Variants in ARHGEF12 observed in about 807,000 individuals in gnomAD.
The protein encoded by ARHGEF12 is KMT2A/ARHGEF12 fusion protein.
Under a neutral mutation model 211.2 loss-of-function variants are expected in ARHGEF12, and 66 were observed. The ratio of observed to expected loss-of-function variants is 0.31; its 90% CI spans 0.26 to 0.38. The LOEUF is 0.38. ARHGEF12 is among the 10% of genes least tolerant of loss of function. ARHGEF12 has a pLI of 1.00. For synonymous variants in ARHGEF12, 592 were observed against 638.4 expected, an observed-to-expected ratio of 0.93 and a Z score of 1.09; for missense variants, 1,429 against 1,869.5, an observed-to-expected ratio of 0.76 and a Z score of 4.34.
At position 120,460,656 on chromosome 11, in the gene ARHGEF12, A is replaced by G. The variant is rs368558892; in HGVS notation, c.2528-16A>G. On this transcript the variant is annotated splice_polypyrimidine_tract_variant and intron_variant, in intron 26 of 40. Transcript: ENST00000397843. Reference sequence around the variant, plus strand: ...CTGAATGTGTTACTAACGTTTTTCTATCTTTTTATCTTTAGTTGGATTGAA... The same window carrying G: ...CTGAATGTGTTACTAACGTTTTTCTGTCTTTTTATCTTTAGTTGGATTGAA... 2.6e-4 allele frequency: 420 copies of G among 1,607,176 alleles called. No individual in the cohort carries two copies. In the African/African-American group the frequency reaches 3.3e-3, roughly 12 times the overall value.
chr11:120,485,750 A>T lies in ARHGEF12; in HGVS notation c.*673A>T, dbSNP rs1457331171. Reference sequence around the variant, plus strand: ...CCCAGGTGGTGTGGTCAGAGAGTGGATGGGCTTCCTCCCGCCCTGAGGCAA... The same window carrying T: ...CCCAGGTGGTGTGGTCAGAGAGTGGTTGGGCTTCCTCCCGCCCTGAGGCAA... On this transcript the variant is annotated 3_prime_UTR_variant, in exon 41 of 41. Coordinates refer to ENST00000397843, the MANE Select transcript of ARHGEF12 (RefSeq NM_015313.3). 4.3e-6 allele frequency: 1 copy of T among 233,578 alleles called. No homozygotes were observed. The allele number at this position is 233,578 out of a possible 1,614,324, so 14.5% of individuals were successfully genotyped here. A position where few individuals can be genotyped will look rare whatever the true frequency, so the allele number is the denominator to read the frequency against.
At chr11:120,479,581 C>T (rs1317774786) in intron 37 of ARHGEF12, among the ~76,000 whole-genome samples, 2 of 152,120 alleles carry the variant, frequency 1.3e-5, no homozygotes, top group Non-Finnish European at 2.9e-5. Context: ...TCTAGCTTAA[C>T]ACAGCCTTTC....
intron 1 of ARHGEF12, among the ~76,000 whole-genome samples, chr11:120,398,650 A>C (rs1944461136): frequency 6.6e-6 from 1 of 152,196 alleles, no homozygotes; most frequent in Non-Finnish European, 1.5e-5. Flanking sequence ...CACCAGAACC[A>C]GAGCACTTGT....
Position 120,465,855 on chromosome 11 carries a change from A to T in ARHGEF12, c.2739+493A>T, listed in dbSNP as rs569961812. On this transcript the variant is annotated intron_variant, in intron 28 of 40. Coordinates refer to ENST00000397843, the MANE Select transcript of ARHGEF12 (RefSeq NM_015313.3). ...AATGGTGAAGAATAATAAAAAATAT[A>T]TGTCAGGATTAAAATACTTAATATA... is the stretch of plus-strand genomic sequence containing the variant. Among the ~76,000 whole-genome samples the T allele has an allele frequency of 3.3e-5, 5 of 152,374 alleles. No homozygotes were observed. The East Asian group carries it at 9.6e-4, about 29-fold the overall frequency.
rs760118826 is a variant in ARHGEF12, at chr11:120,449,213, A to G, written c.1842A>G (p.Ala614=). ...PRRPSRHDNS[A]IGRAMELQKA... is the part of the protein sequence containing the mutation. ...GACCAAGCCGTCATGACAACAGTGCAAGTATGTTGAAGTTTGAAGTGCTGC... is the reference window on the plus strand; with the variant it reads ...GACCAAGCCGTCATGACAACAGTGCGAGTATGTTGAAGTTTGAAGTGCTGC... The change falls in exon 21 of 41, where the codon GCA becomes GCG. Residue 614 remains alanine, a splice_region_variant and synonymous_variant. Transcript: ENST00000397843. 3 of 1,613,024 alleles carry G rather than the reference A, an allele frequency of 1.9e-6. No individual in the cohort carries two copies. In the African/African-American group the frequency reaches 4.0e-5, roughly 22 times the overall value.
At position 120,336,470 on chromosome 11, in the gene ARHGEF12, AG is replaced by A. The variant is rs1476099692; in HGVS notation, c.-771del. Among the ~76,000 whole-genome samples, 1 of 151,672 alleles carries A rather than the reference AG, an allele frequency of 6.6e-6. No individual in the cohort carries two copies. The highest frequency in any genetic ancestry group is 1.5e-5 in the Non-Finnish European group (1 of 67,880). On this transcript the variant is annotated 5_prime_UTR_variant, in exon 1 of 41. Coordinates refer to ENST00000397843, the MANE Select transcript of ARHGEF12 (RefSeq NM_015313.3). ...CGCCGCCGCCTCCGCCTCCCGGACC[AG>A]GGCTTCCAGGCCGGGCCGGACGGGC...
At chr11:120,421,069 T>G (rs1318128379) in intron 5 of ARHGEF12, among the ~76,000 whole-genome samples, 1 of 152,236 alleles carries the variant, frequency 6.6e-6, no homozygotes, top group Non-Finnish European at 1.5e-5. Flanking sequence ...TTATTTAGTT[T>G]TAGAAATCAT....
At chr11:120,484,716 A>G (rs1040896693) in intron 40 of ARHGEF12, among the ~76,000 whole-genome samples, 1 of 152,232 alleles carries the variant, frequency 6.6e-6, no homozygotes, top group Non-Finnish European at 1.5e-5. Flanking sequence ...GTCAGTTCCC[A>G]TACCATCCCC....
chr11:120,456,413 C>G (rs574591182), intron 22 of ARHGEF12, among the ~76,000 whole-genome samples: 1 of 151,958 alleles, frequency 6.6e-6, no homozygotes, highest in East Asian at 1.9e-4. Context: ...AATGATAAAA[C>G]TATTAAACAT....
intron 7 of ARHGEF12, among the ~76,000 whole-genome samples, chr11:120,425,780 G>A (rs1380486976): frequency 6.7e-6 from 1 of 148,398 alleles, no homozygotes. Flanking sequence ...AAAAAAAAGA[G>A]AGAGACTGCT....
At chr11:120,342,105 G>T (rs988398789) in intron 1 of ARHGEF12, among the ~76,000 whole-genome samples, 1 of 151,922 alleles carries the variant, frequency 6.6e-6, no homozygotes, top group African/African-American at 2.4e-5. Context: ...AGATTTTCTG[G>T]CTCTCAAGTC....
intron 1 of ARHGEF12, among the ~76,000 whole-genome samples, chr11:120,369,742 A>C (rs1943536281): frequency 6.6e-6 from 1 of 152,244 alleles, no homozygotes; most frequent in African/African-American, 2.4e-5. Flanking sequence ...TAGCTGCAAC[A>C]TCTGATTTTA....
chr11:120,455,918 TA>T (rs1208071679), intron 22 of ARHGEF12, among the ~76,000 whole-genome samples: 2 of 152,094 alleles, frequency 1.3e-5, no homozygotes, highest in African/African-American at 4.8e-5. Flanking sequence ...TGAAGCAAAA[TA>T]AAAAGTGGCA....
At chr11:120,423,012 G>A (rs1046432897) in intron 6 of ARHGEF12, among the ~76,000 whole-genome samples, 1 of 152,052 alleles carries the variant, frequency 6.6e-6, no homozygotes, top group Non-Finnish European at 1.5e-5. Flanking sequence ...TATCTGAAAC[G>A]TATCACAGAC....
At chr11:120,397,967 T>C (rs1425135148) in intron 1 of ARHGEF12, among the ~76,000 whole-genome samples, 1 of 152,188 alleles carries the variant, frequency 6.6e-6, no homozygotes, top group Non-Finnish European at 1.5e-5. Context: ...TATGGGTGAT[T>C]TTTGTTTACT....
Position 120,479,814 on chromosome 11 carries a change from A to T in ARHGEF12, c.3767-146A>T, listed in dbSNP as rs529175905. 7.6e-6 allele frequency: 5 copies of T among 661,860 alleles called. No individual in the cohort carries two copies. The African/African-American group carries it at 9.1e-5, about 12-fold the overall frequency. The allele number at this position is 661,860 out of a possible 1,614,324, so 41.0% of individuals were successfully genotyped here. On this transcript the variant is annotated intron_variant, in intron 37 of 40. Coordinates refer to ENST00000397843, the MANE Select transcript of ARHGEF12 (RefSeq NM_015313.3). ...TGATTGTATGAAGTAAGATGATTGT[A>T]TGAAATTAATAATTAACATTTTAAT...
intron 1 of ARHGEF12, among the ~76,000 whole-genome samples, chr11:120,371,686 TATG>T (rs1471870321): frequency 1.3e-5 from 2 of 152,276 alleles, no homozygotes; most frequent in African/African-American, 2.4e-5. Flanking sequence ...TCAGTGCAAA[TATG>T]ATAATTATGA....
At chr11:120,349,998 T>G (rs917713884) in intron 1 of ARHGEF12, among the ~76,000 whole-genome samples, 22 of 152,236 alleles carry the variant, frequency 1.4e-4, no homozygotes, top group Non-Finnish European at 1.5e-4. Flanking sequence ...TTAGTTTGGA[T>G]TGGCAGTATA....
chr11:120,478,821 TAA>T (rs1947143466), intron 37 of ARHGEF12, among the ~76,000 whole-genome samples: 1 of 152,212 alleles, frequency 6.6e-6, no homozygotes, highest in Non-Finnish European at 1.5e-5. Flanking sequence ...GGCCTGAGAC[TAA>T]AAGAGTTTGG....
Sources: gnomAD v4.1 joint callset for allele counts (sites outside exome capture counted in the v4.1 genomes callset) on GRCh38, gnomAD v4.1.1 for gene constraint, MANE v1.5 for transcripts, NCBI Gene and HGNC (gene_info 2026-07-23, HGNC 2026-07-21) for gene names.